Variants in GAB2 observed in about 807,000 individuals in gnomAD.
GAB2 encodes GRB2 associated binding protein 2, also known as GRB2-associated-binding protein 2.
Under a neutral mutation model 65.5 loss-of-function variants are expected in GAB2, and 26 were observed. That is an observed-to-expected ratio of 0.40 (90% CI 0.29 to 0.55). The LOEUF (loss-of-function observed/expected upper bound fraction) is 0.55. Among genes scored for constraint, GAB2 ranks in the 20% least tolerant of loss-of-function variants. The pLI, the probability that GAB2 is intolerant of heterozygous loss-of-function variation, is 0.53. For synonymous variants in GAB2, 321 were observed against 329.6 expected, an observed-to-expected ratio of 0.97 and a Z score of 0.28; for missense variants, 884 against 875.8, an observed-to-expected ratio of 1.01 and a Z score of -0.12.
intron 1 of GAB2, among the ~76,000 whole-genome samples, chr11:78,346,987 GACTC>G (rs904386165): frequency 5.3e-5 from 8 of 151,788 alleles, no homozygotes; most frequent in African/African-American, 1.7e-4. Context: ...AAAGCAGACT[GACTC>G]ACTATTTGTT....
chr11:78,280,701 T>A lies in GAB2; in HGVS notation c.276A>T (p.Glu92Asp). The change falls in exon 2 of 10, where the codon GAA becomes GAT. Residue 92 changes from glutamate to aspartate, a missense_variant. Coordinates refer to ENST00000361507, the MANE Select transcript of GAB2 (RefSeq NM_080491.3). The part of the protein sequence containing the change: ...DSFVFDIKTS[E>D]RTFYLVAETE... Reference sequence around the variant, plus strand: ...TCTCAGCCACCAGGTAAAAGGTGCGTTCACTGGTCTTGATGTCAAACACAA... The same window carrying A: ...TCTCAGCCACCAGGTAAAAGGTGCGATCACTGGTCTTGATGTCAAACACAA... The A allele has an allele frequency of 6.2e-7, 1 of 1,614,122 alleles. No homozygotes were observed. Among genetic ancestry groups the A allele is most frequent in the African/African-American group, 1.3e-5 (1 of 75,042 alleles).
intron 1 of GAB2, among the ~76,000 whole-genome samples, chr11:78,346,721 A>ATATATATATATAT (rs1491548868): frequency 2.9e-4 from 10 of 34,600 alleles, no homozygotes; most frequent in Admixed American, 6.8e-4. Context: ...ATATATATAT[A>ATATATATATATAT]ATTTTTTTTT....
At chr11:78,406,020 C>A (rs1029150529) in intron 1 of GAB2, among the ~76,000 whole-genome samples, 7 of 152,220 alleles carry the variant, frequency 4.6e-5, no homozygotes, top group Non-Finnish European at 1.5e-5. Flanking sequence ...TAGACTTCTA[C>A]CCTTCAGAGG....
intron 1 of GAB2, among the ~76,000 whole-genome samples, chr11:78,292,503 G>A (rs868013422): frequency 1.1e-4 from 17 of 152,168 alleles, no homozygotes; most frequent in Admixed American, 6.5e-5. Context: ...GTGGTGATGT[G>A]GTTGAGTTCT....
At position 78,223,618 on chromosome 11, in the gene GAB2, G is replaced by A. The variant is rs1286092055; in HGVS notation, c.1361C>T (p.Pro454Leu). The stretch of plus-strand genomic sequence containing the variant: ...CAGGGTGGAAGAACCTGGATTCATG[G>A]GCACATAGTTGTCTTCAGAATTGGT... ...DSTNSEDNYVPMNPGSSTLLA... is the reference protein window; with the variant it reads ...DSTNSEDNYVLMNPGSSTLLA... Residue 454 changes from proline (P) to leucine (L), a missense_variant, in exon 6 of 10, where the codon CCC (proline) becomes CTC (leucine). By Grantham distance (98) the Pro-to-Leu change is moderately conservative. Coordinates refer to ENST00000361507, the MANE Select transcript of GAB2 (RefSeq NM_080491.3). The A allele has an allele frequency of 1.9e-6, 3 of 1,613,176 alleles. No individual in the cohort carries two copies. The highest frequency in any genetic ancestry group is 3.3e-5 in the Admixed American group (2 of 59,940).
chr11:78,394,261 C>T (rs1185735335), intron 1 of GAB2, among the ~76,000 whole-genome samples: 1 of 152,098 alleles, frequency 6.6e-6, no homozygotes, highest in Non-Finnish European at 1.5e-5. Context: ...GCATTCCAGC[C>T]TGGGTGACAG....
chr11:78,402,516 G>A (rs1003776646), intron 1 of GAB2, among the ~76,000 whole-genome samples: 5 of 148,834 alleles, frequency 3.4e-5, no homozygotes, highest in East Asian at 3.9e-4. Flanking sequence ...TGCAACCTCC[G>A]CCTCCCAGGT....
Position 78,219,304 on chromosome 11 carries a change from A to T in GAB2, c.1999T>A (p.Ser667Thr), listed in dbSNP as rs1299722891. The change falls in exon 10 of 10, where the codon TCC becomes ACC. Residue 667 changes from serine (S) to threonine (T), a missense_variant. Transcript: ENST00000361507. ...TMQEWTDVRQ[S>T]SEPSKGAKL is the part of the protein sequence containing the mutation. The stretch of plus-strand genomic sequence containing the variant: ...TTGGCACCCTTGGAAGGCTCTGAGG[A>T]CTGCCGCACGTCTGTCCACTCCTGC... 6.2e-7 allele frequency: 1 copy of T among 1,613,828 alleles called. No individual in the cohort carries two copies. The highest frequency in any genetic ancestry group is 8.5e-7 in the Non-Finnish European group (1 of 1,179,984).
intron 1 of GAB2, among the ~76,000 whole-genome samples, chr11:78,319,201 C>T (rs139548570): frequency 0.015 from 2,212 of 152,108 alleles, 57 homozygotes; most frequent in African/African-American, 0.051. Context: ...ATTTTTTTTC[C>T]TCCATTTTTT....
intron 1 of GAB2, among the ~76,000 whole-genome samples, chr11:78,340,357 G>T (rs905272336): frequency 1.3e-5 from 2 of 152,120 alleles, no homozygotes; most frequent in Non-Finnish European, 2.9e-5. Context: ...GAACAAAGAT[G>T]GGCTGAGAAT....
intron 1 of GAB2, among the ~76,000 whole-genome samples, chr11:78,381,038 G>A (rs949760587): frequency 1.1e-4 from 16 of 152,002 alleles, no homozygotes; most frequent in African/African-American, 3.9e-4. Flanking sequence ...TGTCTCCCAG[G>A]TGGCCATACT....
intron 1 of GAB2, among the ~76,000 whole-genome samples, chr11:78,283,995 T>C (rs1269774750): frequency 3.9e-5 from 6 of 152,146 alleles, no homozygotes; most frequent in African/African-American, 1.4e-4. Flanking sequence ...CCTAGAGTTG[T>C]ATATCCAACT....
intron 9 of GAB2, 21 bp from the exon 10 acceptor site, chr11:78,219,436 A>C (rs1409476463): frequency 1.2e-6 from 2 of 1,612,616 alleles, no homozygotes; most frequent in South Asian, 2.2e-5. Context: ...AGAGTGGGAA[A>C]GAGGGAGTAG....
chr11:78,245,087 G>A (rs978923496), intron 3 of GAB2, among the ~76,000 whole-genome samples: 1 of 152,150 alleles, frequency 6.6e-6, no homozygotes, highest in African/African-American at 2.4e-5. Context: ...ATGAGTCCAT[G>A]TATATGAGGC....
intron 2 of GAB2, among the ~76,000 whole-genome samples, chr11:78,275,116 A>G (rs1866129213): frequency 6.6e-6 from 1 of 152,216 alleles, no homozygotes; most frequent in African/African-American, 2.4e-5. Context: ...AGGTGCTGAC[A>G]TGAAGACTCA....
chr11:78,305,815 C>T (rs1231780964), intron 1 of GAB2, among the ~76,000 whole-genome samples: 1 of 152,188 alleles, frequency 6.6e-6, no homozygotes, highest in Non-Finnish European at 1.5e-5. Context: ...CAGTTTCTCC[C>T]AAGACCTCAG....
intron 1 of GAB2, among the ~76,000 whole-genome samples, chr11:78,345,720 G>A (rs1385518436): frequency 6.6e-6 from 1 of 152,160 alleles, no homozygotes; most frequent in Admixed American, 6.5e-5. Context: ...TTTTTAGTAG[G>A]CAAAAAGGAG....
At chr11:78,294,417 T>C (rs1457308610) in intron 1 of GAB2, among the ~76,000 whole-genome samples, 8 of 152,198 alleles carry the variant, frequency 5.3e-5, no homozygotes, top group Non-Finnish European at 4.4e-5. Flanking sequence ...TTATAATCCT[T>C]TGGGTATATA....
chr11:78,221,019 A>G (rs1483053331), intron 8 of GAB2, among the ~76,000 whole-genome samples: 2 of 152,156 alleles, frequency 1.3e-5, no homozygotes, highest in African/African-American at 4.8e-5. Context: ...CTTCATCTCC[A>G]GGCTGCACAA....
Sources: allele counts gnomAD v4.1 joint callset (sites outside exome capture counted in the v4.1 genomes callset), GRCh38; gene constraint gnomAD v4.1.1; transcripts MANE v1.5; gene names NCBI Gene and HGNC (gene_info 2026-07-23, HGNC 2026-07-21).